The following IGFALS variants were observed in gnomAD, a reference collection of about 807,000 sequenced individuals.
IGFALS encodes the protein insulin-like growth factor-binding protein complex acid labile subunit.
A neutral mutation model predicts 2.6 loss-of-function variants in IGFALS; 2 were observed. That is an observed-to-expected ratio of 0.77 (90% CI 0.32 to 2.44). The LOEUF is 2.44. Ranked by LOEUF, IGFALS falls within the 30% of genes most tolerant of loss-of-function variation. The pLI, the probability that IGFALS is intolerant of heterozygous loss-of-function variation, is 0.11. For synonymous variants in IGFALS, 519 were observed against 431.9 expected (o/e 1.20, Z -2.50); for missense variants, 996 against 848.7 (o/e 1.17, Z -2.16).
In IGFALS at chr16:1,791,760, G is replaced by A. The variant is rs749788639; in HGVS notation, c.658C>T (p.Leu220Phe). 1.9e-6 allele frequency: 3 copies of A among 1,549,470 alleles called. No individual in the cohort carries two copies. Among genetic ancestry groups the A allele is most frequent in the Admixed American group, 1.9e-5 (1 of 51,986 alleles). ...TTCCTGCTCAGGTCCAGCTCCCGGA[G>A]CTCGGCCAGGCCGCTGAAGAGCGCG... ...QPALFSGLAELRELDLSRNAL... is the reference protein window; with the variant it reads ...QPALFSGLAEFRELDLSRNAL... The change falls in exon 2 of 2, where the codon CTC becomes TTC. Residue 220 changes from leucine (L) to phenylalanine (F), a missense_variant. Physicochemically the swap from Leu to Phe is conservative, Grantham distance 22. Coordinates refer to ENST00000215539, the MANE Select transcript of IGFALS (RefSeq NM_004970.3).
At position 1,791,852 on chromosome 16, in the gene IGFALS, G is replaced by T. The variant is rs781119629; in HGVS notation, c.566C>A (p.Ala189Glu). The change falls in exon 2 of 2, where the codon GCG becomes GAG. Residue 189 changes from alanine (A) to glutamate (E), a missense_variant. Coordinates refer to ENST00000215539, the MANE Select transcript of IGFALS (RefSeq NM_004970.3). ...WNSLAVLPDA[A>E]FRGLGSLREL... Reference sequence around the variant, plus strand: ...GCGCAGGCTGCCCAGGCCGCGGAACGCCGCATCGGGGAGCACCGCCAGGCT... The same window carrying T: ...GCGCAGGCTGCCCAGGCCGCGGAACTCCGCATCGGGGAGCACCGCCAGGCT... 7.1e-6 allele frequency: 11 copies of T among 1,553,434 alleles called. No individual in the cohort carries two copies. The East Asian group carries it at 2.2e-4, about 31-fold the overall frequency.
rs762958121 is a variant in IGFALS at position 1,792,149 on chromosome 16, G to T, written c.269C>A (p.Pro90His). ...WLDGNNLSSVPPAAFQNLSSL... is the reference protein window; with the variant it reads ...WLDGNNLSSVHPAAFQNLSSL... ...GGAGAGGTTCTGGAAGGCTGCCGGG[G>T]GGACGGACGAGAGGTTGTTGCCGTC... Residue 90 changes from proline (P) to histidine (H), a missense_variant, in exon 2 of 2, where the codon CCC becomes CAC. Physicochemically the swap from Pro to His is moderately conservative, Grantham distance 77. Transcript: ENST00000215539. 3.1e-6 allele frequency: 5 copies of T among 1,611,606 alleles called. 1 individual carries two copies. In the South Asian group the frequency reaches 3.3e-5, roughly 11 times the overall value.
upstream of IGFALS, among the ~76,000 whole-genome samples, chr16:1,794,627 T>G (rs1897293732): frequency 6.6e-6 from 1 of 151,836 alleles, no homozygotes; most frequent in Non-Finnish European, 1.5e-5. Flanking sequence ...AACCAGTCGC[T>G]CTCTCCCCCA....
rs1203961998 is a variant in IGFALS, at chr16:1,792,258, C to G, written c.160G>C (p.Asp54His). ...GAGCTGCAGAAGACGCTGAGCTCATCCGCGTCGTCATCGTAGCTGCAGACA... is the reference window on the plus strand; with the variant it reads ...GAGCTGCAGAAGACGCTGAGCTCATGCGCGTCGTCATCGTAGCTGCAGACA... The part of the protein sequence containing the change: ...ACVCSYDDDA[D>H]ELSVFCSSRN... The change falls in exon 2 of 2, where the codon GAT becomes CAT. Residue 54 changes from aspartate (D) to histidine (H), a missense_variant. Transcript: ENST00000215539. 1.2e-6 allele frequency: 2 copies of G among 1,601,938 alleles called. No homozygotes were observed. Among genetic ancestry groups the G allele is most frequent in the African/African-American group, 1.3e-5 (1 of 74,918 alleles).
chr16:1,793,715 C>T (rs937161608), upstream of IGFALS: 14 of 1,513,190 alleles, frequency 9.3e-6, no homozygotes, highest in Non-Finnish European at 9.9e-6. Context: ...TGCCGGCCAC[C>T]CCTGCCCTCT....
rs916659112 is a variant in IGFALS, at chr16:1,791,080, G to A, written c.1338C>T (p.Leu446=). Reference sequence around the variant, plus strand: ...GGAAGAGGCGGTGGGGCAGGTGCGTGAGCTGGTTGGAGGTCAGGTCGAGCT... The same window carrying A: ...GGAAGAGGCGGTGGGGCAGGTGCGTAAGCTGGTTGGAGGTCAGGTCGAGCT... ...LLELDLTSNQ[L]THLPHRLFQG... Residue 446 remains leucine (L), a synonymous_variant, in exon 2 of 2, where the codon CTC becomes CTT. Coordinates refer to ENST00000215539, the MANE Select transcript of IGFALS (RefSeq NM_004970.3). The A allele has an allele frequency of 1.2e-5, 19 of 1,599,576 alleles. No individual in the cohort carries two copies. The highest frequency in any genetic ancestry group is 1.4e-5 in the Non-Finnish European group (16 of 1,179,766).
chr16:1,794,119 CGT>C (rs1408318906), upstream of IGFALS, among the ~76,000 whole-genome samples: 9 of 152,074 alleles, frequency 5.9e-5, no homozygotes, highest in African/African-American at 1.9e-4. Context: ...AGTAGCCAGC[CGT>C]GTGGGGCTAA....
chr16:1,794,119 C>T (rs973926722), upstream of IGFALS, among the ~76,000 whole-genome samples: 10 of 151,956 alleles, frequency 6.6e-5, no homozygotes, highest in Admixed American at 2.6e-4. Context: ...AGTAGCCAGC[C>T]GTGTGGGGCT....
At position 1,791,920 on chromosome 16, in the gene IGFALS, G is replaced by C. The variant is rs902380048; in HGVS notation, c.498C>G (p.Phe166Leu). The C allele has an allele frequency of 5.1e-6, 8 of 1,581,014 alleles. No individual in the cohort carries two copies. The highest frequency in any genetic ancestry group is 3.4e-6 in the Non-Finnish European group (4 of 1,165,446). ...NRLSRLEDGL[F>L]EGLGSLWDLN... ...GGTCCCAGAGGCTGCCGAGGCCCTC[G>C]AAGAGCCCGTCCTCCAGCCTGCTCA... is the stretch of plus-strand genomic sequence containing the variant. Residue 166 changes from phenylalanine (F) to leucine (L), a missense_variant, in exon 2 of 2, where the codon TTC becomes TTG. Coordinates refer to ENST00000215539, the MANE Select transcript of IGFALS (RefSeq NM_004970.3).
upstream of IGFALS, among the ~76,000 whole-genome samples, chr16:1,794,532 G>A (rs1897292732): frequency 6.6e-6 from 1 of 152,114 alleles, no homozygotes; most frequent in African/African-American, 2.4e-5. Context: ...TGTGTGCCCA[G>A]CCATGTCCAA....
chr16:1,791,656 G>C lies in IGFALS; in HGVS notation c.762C>G (p.Ile254Met). Residue 254 changes from isoleucine (I) to methionine (M), a missense_variant, in exon 2 of 2, where the codon ATC becomes ATG. Coordinates refer to ENST00000215539, the MANE Select transcript of IGFALS (RefSeq NM_004970.3). Reference sequence around the variant, plus strand: ...GGAAGGCGCCCGGGGCCACGGCAGCGATGAGGTTGCGGTCCAGGTAGAGTT... The same window carrying C: ...GGAAGGCGCCCGGGGCCACGGCAGCCATGAGGTTGCGGTCCAGGTAGAGTT... ...LQKLYLDRNL[I>M]AAVAPGAFLG... 2 of 1,582,786 alleles carry C rather than the reference G, an allele frequency of 1.3e-6. No homozygotes were observed. Among genetic ancestry groups the C allele is most frequent in the South Asian group, 2.3e-5 (2 of 87,430 alleles).
rs1236384955 is a variant in IGFALS at position 1,790,561 on chromosome 16, G to A, written c.*39C>T. 6.6e-7 allele frequency: 1 copy of A among 1,517,334 alleles called. No homozygotes were observed. The highest frequency in any genetic ancestry group is 2.0e-5 in the Admixed American group (1 of 51,212). 94.0% of individuals were successfully genotyped at this position (1,517,334 alleles called of 1,614,324 possible). On this transcript the variant is annotated 3_prime_UTR_variant, in exon 2 of 2. Coordinates refer to ENST00000215539, the MANE Select transcript of IGFALS (RefSeq NM_004970.3). ...CTGTCCCCAGCACAAGGTGAGCCAG[G>A]TGGGGGCCTGAGTCCGGGGCTTGAG...
rs754396976 is a variant in IGFALS, at chr16:1,792,328, G to A, written c.90C>T (p.Pro30=). ...LGPRSLEGAD[P]GTPGEAEGPA... ...GGCCCTCGGCTTCCCCCGGCGTTCC[G>A]GGGTCTGCTCCCTCCAGGCTGCGGG... Residue 30 remains proline (P), a synonymous_variant, in exon 2 of 2, where the codon CCC becomes CCT. Transcript: ENST00000215539. 52 of 1,595,774 alleles carry A rather than the reference G, an allele frequency of 3.3e-5. No individual in the cohort carries two copies. The highest frequency in any genetic ancestry group is 3.9e-5 in the Non-Finnish European group (46 of 1,177,836).
In IGFALS at chr16:1,790,846, C is replaced by A; in HGVS notation, c.1572G>T (p.Gln524His). ...GCCACAGGCGCTCCAGGCCCGGGGG[C>A]TGCGGCGTGAAGGTCCGCAGTGAGT... ...RNNSLRTFTP[Q>H]PPGLERLWLE... The change falls in exon 2 of 2, where the codon CAG becomes CAT. Residue 524 changes from glutamine to histidine, a missense_variant. Physicochemically the swap from Gln to His is conservative, Grantham distance 24 (BLOSUM62 0). Transcript: ENST00000215539. 1 of 1,566,806 alleles carries A rather than the reference C, an allele frequency of 6.4e-7. No individual in the cohort carries two copies. The highest frequency in any genetic ancestry group is 8.6e-7 in the Non-Finnish European group (1 of 1,156,870).
chr16:1,790,502 G>A lies in IGFALS; in HGVS notation c.*98C>T, dbSNP rs1205483014. The A allele has an allele frequency of 9.4e-7, 1 of 1,061,588 alleles. No individual in the cohort carries two copies. The highest frequency in any genetic ancestry group is 1.6e-5 in the African/African-American group (1 of 63,852). 65.8% of individuals were successfully genotyped at this position (1,061,588 alleles called of 1,614,324 possible). A position where few individuals can be genotyped will look rare whatever the true frequency, so the allele number is the denominator to read the frequency against. Reference sequence around the variant, plus strand: ...ATCAGGCCCTTGCGTCTTCCAGCAAGTGCACTGGGCAGGCCCCTGAGGACA... The same window carrying A: ...ATCAGGCCCTTGCGTCTTCCAGCAAATGCACTGGGCAGGCCCCTGAGGACA... On this transcript the variant is annotated 3_prime_UTR_variant, in exon 2 of 2. Transcript: ENST00000215539.
rs1222061001 is a variant in IGFALS at position 1,792,412 on chromosome 16, A to G, written c.17-11T>C. On this transcript the variant is annotated splice_polypyrimidine_tract_variant and intron_variant, in intron 1 of 1. Transcript: ENST00000215539. ...CCAGGGCCAGGCCTCCTGCGGGGGG[A>G]GAGGCTTGGGGAGGCGGCCCGAGGA... The G allele has an allele frequency of 1.3e-6, 2 of 1,553,658 alleles. No homozygotes were observed. The highest frequency in any genetic ancestry group is 1.7e-6 in the Non-Finnish European group (2 of 1,155,102).
rs575274554 is a variant in IGFALS, at chr16:1,791,666, C to T, written c.752G>A (p.Arg251His). Residue 251 changes from arginine to histidine, a missense_variant, in exon 2 of 2, where the codon CGC becomes CAC. Arg to His is a conservative substitution (Grantham distance 29). Coordinates refer to ENST00000215539, the MANE Select transcript of IGFALS (RefSeq NM_004970.3). ...CGGGGCCACGGCAGCGATGAGGTTGCGGTCCAGGTAGAGTTTCTGGAGCCG... is the reference window on the plus strand; with the variant it reads ...CGGGGCCACGGCAGCGATGAGGTTGTGGTCCAGGTAGAGTTTCTGGAGCCG... ...LPRLQKLYLD[R>H]NLIAAVAPGA... 72 of 1,582,730 alleles carry T rather than the reference C, an allele frequency of 4.5e-5. No individual in the cohort carries two copies. The East Asian group carries it at 7.4e-4, about 16-fold the overall frequency.
rs756279959 is a variant in IGFALS, at chr16:1,791,293, C to T, written c.1125G>A (p.Arg375=). The change falls in exon 2 of 2, where the codon CGG becomes CGA. Residue 375 remains arginine (R), a synonymous_variant. Coordinates refer to ENST00000215539, the MANE Select transcript of IGFALS (RefSeq NM_004970.3). The part of the protein sequence containing the change: ...AVMNLSGNCL[R]NLPEQVFRGL... The stretch of plus-strand genomic sequence containing the variant: ...CCCGGAACACCTGCTCCGGAAGGTT[C>T]CGGAGACAGTTCCCAGAGAGGTTCA... The T allele has an allele frequency of 6.2e-7, 1 of 1,609,080 alleles. No homozygotes were observed. Among genetic ancestry groups the T allele is most frequent in the South Asian group, 1.1e-5 (1 of 91,086 alleles).
chr16:1,791,505 G>C lies in IGFALS; in HGVS notation c.913C>G (p.Leu305Val). The C allele has an allele frequency of 1.2e-6, 2 of 1,605,968 alleles. No homozygotes were observed. Among genetic ancestry groups the C allele is most frequent in the Non-Finnish European group, 1.7e-6 (2 of 1,177,086 alleles). The change falls in exon 2 of 2, where the codon CTG (leucine) becomes GTG (valine). Residue 305 changes from leucine (L) to valine (V), a missense_variant. Transcript: ENST00000215539. ...LRLSHNAIASLRPRTFKDLHF... is the reference protein window; with the variant it reads ...LRLSHNAIASVRPRTFKDLHF... The stretch of plus-strand genomic sequence containing the variant: ...AGGTCCTTGAAGGTGCGGGGCCGCA[G>C]GCTGGCGATGGCGTTGTGGGACAGC...
Sources: gnomAD v4.1 joint callset for allele counts (sites outside exome capture counted in the v4.1 genomes callset) on GRCh38, gnomAD v4.1.1 for gene constraint, MANE v1.5 for transcripts, NCBI Gene and HGNC (gene_info 2026-07-23, HGNC 2026-07-21) for gene names.